The following ANP32B variants were observed in gnomAD, a reference collection of about 807,000 sequenced individuals.
ANP32B encodes acidic leucine-rich nuclear phosphoprotein 32 family member B.
Under a neutral mutation model 32.2 loss-of-function variants are expected in ANP32B, and 6 were observed. That is an observed-to-expected ratio of 0.19 (90% CI 0.10 to 0.37). The LOEUF (loss-of-function observed/expected upper bound fraction) is 0.37. Ranked by LOEUF, ANP32B falls within the 10% of genes least tolerant of loss-of-function variation. The pLI, the probability that ANP32B is intolerant of heterozygous loss-of-function variation, is 1.00. For missense variants in ANP32B, 204 were observed against 289.2 expected, an observed-to-expected ratio of 0.71 and a Z score of 2.14; for synonymous variants, 98 against 105.8, an observed-to-expected ratio of 0.93 and a Z score of 0.45.
intron 4 of ANP32B, 60 bp from the exon 5 acceptor site, chr9:98,011,211 C>T (rs1276093333): frequency 3.9e-6 from 6 of 1,520,384 alleles, no homozygotes; most frequent in Non-Finnish European, 5.3e-6. Flanking sequence ...AGATCCTCAA[C>T]ACTTTGTCCC....
At chr9:97,997,077 TGAAAG>T (rs1827917488) in intron 2 of ANP32B, among the ~76,000 whole-genome samples, 1 of 152,214 alleles carries the variant, frequency 6.6e-6, no homozygotes, top group Non-Finnish European at 1.5e-5. Flanking sequence ...ATACACATGT[TGAAAG>T]GATGTGGATG....
At position 97,997,701 on chromosome 9, in the gene ANP32B, ATTG is replaced by A. The variant is rs148784464; in HGVS notation, c.205-848_205-846del. The stretch of plus-strand genomic sequence containing the variant: ...ATACTATGTAAGGGTTAAAGTTACT[ATTG>A]TTGTTGGCACTTTAAAATAGAGAAT... On this transcript the variant is annotated intron_variant, in intron 2 of 6. Transcript: ENST00000339399. Among the ~76,000 whole-genome samples, 23 of 152,370 alleles carry A rather than the reference ATTG, an allele frequency of 1.5e-4. No individual in the cohort carries two copies. The East Asian group carries it at 3.7e-3, about 24-fold the overall frequency.
intron 4 of ANP32B, among the ~76,000 whole-genome samples, chr9:98,008,203 A>G (rs112697789): frequency 6.6e-6 from 1 of 152,140 alleles, no homozygotes; most frequent in African/African-American, 2.4e-5. Flanking sequence ...TTCAGCCCCC[A>G]CTTACAAGTG....
intron 3 of ANP32B, among the ~76,000 whole-genome samples, chr9:98,000,294 T>G (rs969674049): frequency 6.6e-6 from 1 of 152,196 alleles, no homozygotes; most frequent in African/African-American, 2.4e-5. Flanking sequence ...CTCTTTATTT[T>G]TACATTTCTT....
At chr9:98,012,388 T>G (rs1828200573) in intron 5 of ANP32B, 33 bp from the exon 6 acceptor site, 2 of 1,599,466 alleles carry the variant, frequency 1.3e-6, no homozygotes, top group African/African-American at 2.7e-5. Context: ...TTGGCAGAAT[T>G]AATTTAATGT....
chr9:97,996,060 C>T (rs1406088029), intron 2 of ANP32B, among the ~76,000 whole-genome samples: 1 of 151,826 alleles, frequency 6.6e-6, no homozygotes, highest in Non-Finnish European at 1.5e-5. Flanking sequence ...TTCAGGTGAC[C>T]GTTTCTGATG....
chr9:97,989,867 A>T (rs1260220344), intron 1 of ANP32B, among the ~76,000 whole-genome samples: 1 of 152,204 alleles, frequency 6.6e-6, no homozygotes, highest in African/African-American at 2.4e-5. Context: ...GAGATTTGAG[A>T]TTCAACAGAT....
chr9:98,015,284 T>A, intron 6 of ANP32B, 80 bp from the exon 7 acceptor site: 1 of 1,525,448 alleles, frequency 6.6e-7, no homozygotes, highest in South Asian at 1.2e-5. Context: ...TCAAAAACTT[T>A]GTTGTTGTTG....
chr9:97,995,356 C>T (rs1025926553), intron 2 of ANP32B, among the ~76,000 whole-genome samples: 20 of 152,220 alleles, frequency 1.3e-4, no homozygotes, highest in Non-Finnish European at 2.8e-4. Context: ...GAACCCGTAT[C>T]TCCTAACCCC....
intron 1 of ANP32B, among the ~76,000 whole-genome samples, chr9:97,987,328 A>C (rs1276395637): frequency 6.6e-6 from 1 of 152,150 alleles, no homozygotes; most frequent in Non-Finnish European, 1.5e-5. Flanking sequence ...AGGATAGGAG[A>C]TAGTTTGTAT....
At chr9:98,006,467 A>G (rs201039261) in intron 4 of ANP32B, among the ~76,000 whole-genome samples, 2 of 139,490 alleles carry the variant, frequency 1.4e-5, no homozygotes, top group African/African-American at 2.8e-5. Context: ...CAAGCTAACT[A>G]TCCAACATGA....
At chr9:98,000,407 G>A (rs761927114) in intron 3 of ANP32B, among the ~76,000 whole-genome samples, 33 of 152,002 alleles carry the variant, frequency 2.2e-4, no homozygotes, top group Non-Finnish European at 2.1e-4. Flanking sequence ...CCAGATACTC[G>A]GGCTCTTACT....
chr9:97,991,548 T>C (rs1827825714), intron 1 of ANP32B, among the ~76,000 whole-genome samples: 1 of 152,146 alleles, frequency 6.6e-6, no homozygotes, highest in Non-Finnish European at 1.5e-5. Context: ...AAGAACAAGA[T>C]AAATGCAAAT....
rs1487386810 is a variant in ANP32B at position 97,994,571 on chromosome 9, ATTG to A, written c.55-54_55-52del. 6.5e-6 allele frequency: 10 copies of A among 1,541,490 alleles called. No homozygotes were observed. The Admixed American group carries it at 1.7e-4, about 26-fold the overall frequency. On this transcript the variant is annotated intron_variant, in intron 1 of 6. Coordinates refer to ENST00000339399, the MANE Select transcript of ANP32B (RefSeq NM_006401.3). ...GGATATTTATGGTAGAAGTTTCTGCATTGTTGTTTGTTTTCAATGTGTTTTTGA... is the reference window on the plus strand; with the variant it reads ...GGATATTTATGGTAGAAGTTTCTGCATTGTTTGTTTTCAATGTGTTTTTGA...
At position 98,012,489 on chromosome 9, in the gene ANP32B, C is replaced by T. The variant is rs1468650551; in HGVS notation, c.688+17C>T. Reference sequence around the variant, plus strand: ...AGGATGAAGGTGGGCCTAATGCATGCATTTTGATCATTCTCAGTTAAAAAT... The same window carrying T: ...AGGATGAAGGTGGGCCTAATGCATGTATTTTGATCATTCTCAGTTAAAAAT... On this transcript the variant is annotated intron_variant, in intron 6 of 6. Coordinates refer to ENST00000339399, the MANE Select transcript of ANP32B (RefSeq NM_006401.3). The T allele has an allele frequency of 1.9e-6, 3 of 1,608,604 alleles. No individual in the cohort carries two copies. The highest frequency in any genetic ancestry group is 2.5e-6 in the Non-Finnish European group (3 of 1,178,868).
chr9:98,008,743 A>G (rs1325141316), intron 4 of ANP32B, among the ~76,000 whole-genome samples: 2 of 152,210 alleles, frequency 1.3e-5, no homozygotes, highest in Non-Finnish European at 1.5e-5. Context: ...GGGACTGTCT[A>G]GTTGCAGGGA....
intron 6 of ANP32B, among the ~76,000 whole-genome samples, chr9:98,014,790 T>C (rs1275303546): frequency 6.6e-6 from 1 of 152,232 alleles, no homozygotes; most frequent in Non-Finnish European, 1.5e-5. Context: ...TTCGCTCTTA[T>C]CACCCAGGCT....
At position 97,983,571 on chromosome 9, in the gene ANP32B, A is replaced by T; in HGVS notation, c.16A>T (p.Arg6Trp). The T allele has an allele frequency of 6.3e-7, 1 of 1,586,886 alleles. No individual in the cohort carries two copies. The highest frequency in any genetic ancestry group is 1.2e-5 in the South Asian group (1 of 86,854). Residue 6 changes from arginine to tryptophan, a missense_variant, in exon 1 of 7, where the codon AGG becomes TGG. Physicochemically the swap from Arg to Trp is moderately radical, Grantham distance 101. Coordinates refer to ENST00000339399, the MANE Select transcript of ANP32B (RefSeq NM_006401.3). Reference protein sequence around the residue: MDMKRRIHLELRNRTP... With the variant: MDMKRWIHLELRNRTP... ...AGAGGGGAACATGGACATGAAGAGG[A>T]GGATCCACCTGGAGCTGAGGAACCG...
At chr9:97,990,814 CTTTTTTT>C (rs34489949) in intron 1 of ANP32B, among the ~76,000 whole-genome samples, 24 of 98,892 alleles carry the variant, frequency 2.4e-4, no homozygotes, top group East Asian at 2.1e-3. Flanking sequence ...ACAGTTGAAC[CTTTTTTT>C]TTTTTTTTTT....
Sources: gnomAD v4.1 joint callset for allele counts (sites outside exome capture counted in the v4.1 genomes callset) on GRCh38, gnomAD v4.1.1 for gene constraint, MANE v1.5 for transcripts, NCBI Gene and HGNC (gene_info 2026-07-23, HGNC 2026-07-21) for gene names.